The following SHISA6 variants were observed in gnomAD, a reference collection of about 807,000 sequenced individuals.
SHISA6 encodes the protein protein shisa-6.
A neutral mutation model predicts 47.9 loss-of-function variants in SHISA6; 22 were observed. The ratio of observed to expected loss-of-function variants is 0.46; its 90% CI spans 0.33 to 0.66. SHISA6 has a LOEUF of 0.66. Among genes scored for constraint, SHISA6 ranks in the 30% least tolerant of loss-of-function variants. The pLI is 0.02. For missense variants in SHISA6, 680 were observed against 764.6 expected, an observed-to-expected ratio of 0.89 and a Z score of 1.30; for synonymous variants, 388 against 337.8, an observed-to-expected ratio of 1.15 and a Z score of -1.63.
intron 2 of SHISA6, among the ~76,000 whole-genome samples, chr17:11,374,617 T>C (rs1182923731): frequency 6.6e-6 from 1 of 152,092 alleles, no homozygotes; most frequent in Non-Finnish European, 1.5e-5. Context: ...TATTCTCCTT[T>C]CTTTTCATTA....
intron 2 of SHISA6, among the ~76,000 whole-genome samples, chr17:11,295,757 A>T (rs1320322680): frequency 3.3e-5 from 5 of 152,010 alleles, no homozygotes; most frequent in Admixed American, 2.0e-4. Flanking sequence ...AGGTCAGGAG[A>T]TTAAGACCAT....
intron 3 of SHISA6, among the ~76,000 whole-genome samples, chr17:11,449,810 C>T (rs917829587): frequency 6.6e-6 from 1 of 152,210 alleles, no homozygotes; most frequent in African/African-American, 2.4e-5. Context: ...TGGCAACCCT[C>T]GTTCTTCCTT....
chr17:11,403,776 T>A (rs17745012), intron 3 of SHISA6, among the ~76,000 whole-genome samples: 12,533 of 152,286 alleles, frequency 0.082, 541 homozygotes, highest in Non-Finnish European at 0.095. Flanking sequence ...AAAGCAACAA[T>A]GAACACATTT....
chr17:11,563,359 C>A lies in SHISA6; in HGVS notation c.*5055C>A, dbSNP rs957632894. 4 of 152,198 alleles carry A rather than the reference C, an allele frequency of 2.6e-5. No individual in the cohort carries two copies. The highest frequency in any genetic ancestry group is 7.2e-5 in the African/African-American group (3 of 41,454). 9.4% of individuals were successfully genotyped at this position (152,198 alleles called of 1,614,324 possible). ...AGGGGCACTCATCCCATCCTAGTAC[C>A]TTTGTAGCCCTTCGTCATGACACTA... On this transcript the variant is annotated 3_prime_UTR_variant, in exon 6 of 6. Coordinates refer to ENST00000441885, the MANE Select transcript of SHISA6 (RefSeq NM_207386.4).
chr17:11,246,614 G>A (rs776341466), intron 1 of SHISA6, among the ~76,000 whole-genome samples: 6 of 152,164 alleles, frequency 3.9e-5, no homozygotes, highest in African/African-American at 7.2e-5. Context: ...CAAAAATAGC[G>A]AAAGGAGGAA....
intron 2 of SHISA6, among the ~76,000 whole-genome samples, chr17:11,342,371 G>A (rs545809317): frequency 1.3e-4 from 19 of 151,930 alleles, no homozygotes; most frequent in Non-Finnish European, 2.5e-4. Context: ...GAGAGAGGGC[G>A]TGTTGGAGGC....
At chr17:11,458,102 A>T (rs973842108) in intron 3 of SHISA6, among the ~76,000 whole-genome samples, 3 of 151,050 alleles carry the variant, frequency 2.0e-5, no homozygotes, top group Non-Finnish European at 3.0e-5. Flanking sequence ...AAAAAAAAAA[A>T]TAGAATGCCT....
intron 2 of SHISA6, among the ~76,000 whole-genome samples, chr17:11,274,272 C>A (rs1447489335): frequency 6.6e-6 from 1 of 152,196 alleles, no homozygotes. Context: ...CACCCCTACA[C>A]CCAGGGAGCC....
In SHISA6 at chr17:11,298,417, A is replaced by G. The variant is rs565903819; in HGVS notation, c.799+34891A>G. On this transcript the variant is annotated intron_variant, in intron 2 of 5. Coordinates refer to ENST00000441885, the MANE Select transcript of SHISA6 (RefSeq NM_207386.4). ...CAGTTCTGGGAAGGTTCAGCTGCTG[A>G]GTGCAAGTGAGGAGAAGATGGTAGT... 5.9e-5 allele frequency among the ~76,000 whole-genome samples: 9 copies of G among 152,346 alleles called. 1 individual carries two copies. In the East Asian group the frequency reaches 1.7e-3, roughly 29 times the overall value.
At chr17:11,269,040 G>GT (rs1908539388) in intron 2 of SHISA6, among the ~76,000 whole-genome samples, 1 of 140,392 alleles carries the variant, frequency 7.1e-6, no homozygotes, top group African/African-American at 3.1e-5. Flanking sequence ...TTTTTTGTTT[G>GT]TCTGTTTTGT....
rs184114747 is a variant in SHISA6 at position 11,284,659 on chromosome 17, A to T, written c.799+21133A>T. ...AGGAATGGCTTCTGGTTATGTGCTC[A>T]TTTGAACAAAGTTCTCTATAATAAA... On this transcript the variant is annotated intron_variant, in intron 2 of 5. Coordinates refer to ENST00000441885, the MANE Select transcript of SHISA6 (RefSeq NM_207386.4). Among the ~76,000 whole-genome samples the T allele has an allele frequency of 1.1e-4, 16 of 152,332 alleles. No individual in the cohort carries two copies. In the East Asian group the frequency reaches 2.9e-3, roughly 28 times the overall value.
intron 2 of SHISA6, among the ~76,000 whole-genome samples, chr17:11,362,975 A>T (rs901562952): frequency 3.9e-5 from 6 of 152,178 alleles, no homozygotes; most frequent in Non-Finnish European, 7.4e-5. Context: ...AGTGGAATAA[A>T]TGTCTTCAGG....
chr17:11,445,127 A>G (rs949767308), intron 3 of SHISA6, among the ~76,000 whole-genome samples: 6 of 152,164 alleles, frequency 3.9e-5, no homozygotes, highest in African/African-American at 1.4e-4. Context: ...TCTCAAGATC[A>G]GGGACGTTTT....
chr17:11,469,744 C>T (rs955103588), intron 3 of SHISA6, among the ~76,000 whole-genome samples: 1 of 152,132 alleles, frequency 6.6e-6, no homozygotes, highest in African/African-American at 2.4e-5. Context: ...CAGACTGGAG[C>T]ATCATGAGGA....
At chr17:11,348,987 C>T (rs943307840) in intron 2 of SHISA6, among the ~76,000 whole-genome samples, 1 of 152,166 alleles carries the variant, frequency 6.6e-6, no homozygotes, top group Admixed American at 6.5e-5. Flanking sequence ...AAACCATAGG[C>T]GTAGCTCCTA....
intron 1 of SHISA6, among the ~76,000 whole-genome samples, chr17:11,252,286 T>G (rs1285396353): frequency 1.3e-5 from 2 of 152,190 alleles, no homozygotes; most frequent in Admixed American, 1.3e-4. Context: ...CCTTGCTTTT[T>G]TGGCATTTGG....
At chr17:11,482,817 A>G (rs921264362) in intron 3 of SHISA6, among the ~76,000 whole-genome samples, 13 of 152,180 alleles carry the variant, frequency 8.5e-5, no homozygotes, top group Admixed American at 1.3e-4. Context: ...CTGTATGTAA[A>G]TAAGTCATTA....
intron 1 of SHISA6, among the ~76,000 whole-genome samples, chr17:11,252,369 C>T (rs578043294): frequency 2.6e-5 from 4 of 152,294 alleles, no homozygotes; most frequent in South Asian, 2.1e-4. Context: ...TGGACATATT[C>T]GTTGTTCCCT....
intron 3 of SHISA6, among the ~76,000 whole-genome samples, chr17:11,406,559 G>A (rs1022739902): frequency 2.6e-5 from 4 of 152,166 alleles, no homozygotes; most frequent in Non-Finnish European, 4.4e-5. Context: ...TCCTTAGCAC[G>A]TTGTGAAGTA....
Sources: gnomAD v4.1 joint callset for allele counts (sites outside exome capture counted in the v4.1 genomes callset) on GRCh38, gnomAD v4.1.1 for gene constraint, MANE v1.5 for transcripts, NCBI Gene and HGNC (gene_info 2026-07-23, HGNC 2026-07-21) for gene names.